ATF7IP2: variants seen among roughly 807,000 people sequenced by gnomAD.
ATF7IP2 encodes the protein activating transcription factor 7 interacting protein 2, also known as activating transcription factor 7-interacting protein 2.
In ATF7IP2, 42 loss-of-function variants were observed where a neutral mutation model predicts 64.2. The observed-to-expected ratio is 0.65, with a 90% CI of 0.51 to 0.85. The LOEUF is 0.85. Ranked by LOEUF, ATF7IP2 falls within the 40% of genes least tolerant of loss-of-function variation. The pLI, the probability that ATF7IP2 is intolerant of heterozygous loss-of-function variation, is 0.00. For missense variants in ATF7IP2, 933 were observed against 784.2 expected (o/e 1.19, Z -2.27); for synonymous variants, 308 against 272.8 (o/e 1.13, Z -1.27).
At chr16:10,456,484 A>C (rs1383455230) in intron 8 of ATF7IP2, among the ~76,000 whole-genome samples, 2 of 152,106 alleles carry the variant, frequency 1.3e-5, no homozygotes, top group Non-Finnish European at 2.9e-5. Context: ...TTTAGTGTGT[A>C]GATCCTGGCC....
chr16:10,403,734 GA>G (rs2047580627), intron 1 of ATF7IP2, among the ~76,000 whole-genome samples: 1 of 152,114 alleles, frequency 6.6e-6, no homozygotes, highest in African/African-American at 2.4e-5. Flanking sequence ...GGATATGAAT[GA>G]GAAATTTACC....
chr16:10,429,269 G>A (rs2141866587), intron 4 of ATF7IP2, among the ~76,000 whole-genome samples: 1 of 152,296 alleles, frequency 6.6e-6, no homozygotes, highest in Non-Finnish European at 1.5e-5. Flanking sequence ...AGGAAAAATA[G>A]AATTGTATAG....
chr16:10,475,703 A>C (rs2049977234), intron 12 of ATF7IP2, among the ~76,000 whole-genome samples: 1 of 145,332 alleles, frequency 6.9e-6, no homozygotes, highest in Non-Finnish European at 1.5e-5. Flanking sequence ...AAAAAAAAAA[A>C]ACCCAATCTA....
intron 1 of ATF7IP2, among the ~76,000 whole-genome samples, chr16:10,401,763 T>A (rs1017881839): frequency 1.3e-5 from 2 of 151,618 alleles, no homozygotes; most frequent in Non-Finnish European, 2.9e-5. Flanking sequence ...GAGTCTTTTT[T>A]TTTTTTTTAA....
intron 8 of ATF7IP2, among the ~76,000 whole-genome samples, chr16:10,444,797 T>G (rs2048747648): frequency 6.6e-6 from 1 of 152,226 alleles, no homozygotes; most frequent in African/African-American, 2.4e-5. Context: ...TAACAATATT[T>G]GCACTGAAAC....
At chr16:10,438,562 C>T (rs1305087377) in intron 7 of ATF7IP2, among the ~76,000 whole-genome samples, 2 of 151,746 alleles carry the variant, frequency 1.3e-5, no homozygotes, top group Non-Finnish European at 2.9e-5. Flanking sequence ...CCATGTGAGT[C>T]CTTTTAAAAA....
At chr16:10,438,257 G>C in intron 7 of ATF7IP2, 22 bp downstream of exon 7, 1 of 1,594,464 alleles carries the variant, frequency 6.3e-7, no homozygotes. Context: ...TTTCATTTGA[G>C]TCTTTTTTAG....
At chr16:10,432,731 G>C (rs2048297889) in intron 5 of ATF7IP2, among the ~76,000 whole-genome samples, 1 of 152,142 alleles carries the variant, frequency 6.6e-6, no homozygotes, top group African/African-American at 2.4e-5. Flanking sequence ...AATTAGCCAG[G>C]CGTGGTGGTG....
rs1309183224 is a variant in ATF7IP2 at position 10,483,338 on chromosome 16, A to C, written c.*1089A>C. ...TGATCATTTCCTGGCCACCATCACA[A>C]TACTAAGGGGCTCAGATGTGTCTTG... On this transcript the variant is annotated 3_prime_UTR_variant, in exon 14 of 14. Transcript: ENST00000562102. 2.6e-5 allele frequency: 4 copies of C among 152,130 alleles called. No homozygotes were observed. Among genetic ancestry groups the C allele is most frequent in the Non-Finnish European group, 4.4e-5 (3 of 68,034 alleles). The allele number at this position is 152,130 out of a possible 1,614,324, so 9.4% of individuals were successfully genotyped here. A position where few individuals can be genotyped will look rare whatever the true frequency, so the allele number is the denominator to read the frequency against.
intron 1 of ATF7IP2, among the ~76,000 whole-genome samples, chr16:10,413,486 G>T (rs1000499297): frequency 1.3e-5 from 2 of 152,098 alleles, no homozygotes; most frequent in African/African-American, 2.4e-5. Context: ...CCAATCTCAG[G>T]TATGTCTTTA....
At chr16:10,410,199 C>T (rs542139593) in intron 1 of ATF7IP2, among the ~76,000 whole-genome samples, 14 of 152,266 alleles carry the variant, frequency 9.2e-5, no homozygotes, top group South Asian at 4.1e-4. Context: ...TCTACCCATC[C>T]GTGAGCACGG....
chr16:10,390,737 T>C (rs942815830), intron 1 of ATF7IP2, among the ~76,000 whole-genome samples: 1 of 152,026 alleles, frequency 6.6e-6, no homozygotes, highest in African/African-American at 2.4e-5. Flanking sequence ...TGCAGTGAGC[T>C]GTGTTCATGC....
chr16:10,419,404 T>TG (rs1199329793), intron 2 of ATF7IP2, among the ~76,000 whole-genome samples, 177 bp from the exon 3 acceptor site: 1 of 152,090 alleles, frequency 6.6e-6, no homozygotes, highest in Non-Finnish European at 1.5e-5. Flanking sequence ...ATACCTCCAC[T>TG]GGGGGGTCCA....
rs373609538 is a variant in ATF7IP2 at position 10,472,148 on chromosome 16, C to T, written c.1391C>T (p.Pro464Leu). Residue 464 changes from proline (P) to leucine (L), a missense_variant, in exon 10 of 14, where the codon CCT (proline) becomes CTT (leucine). Transcript: ENST00000562102. ...DDVMLISVES[P>L]NLTTPITSNP... Reference sequence around the variant, plus strand: ...GTTATGTTGATTTCTGTGGAAAGTCCTAATTTGACAACTCCAATTACATCA... The same window carrying T: ...GTTATGTTGATTTCTGTGGAAAGTCTTAATTTGACAACTCCAATTACATCA... 1.9e-6 allele frequency: 3 copies of T among 1,573,230 alleles called. No individual in the cohort carries two copies. Among genetic ancestry groups the T allele is most frequent in the Admixed American group, 1.8e-5 (1 of 55,908 alleles).
At chr16:10,438,771 T>C (rs559487654) in intron 7 of ATF7IP2, among the ~76,000 whole-genome samples, 195 of 152,208 alleles carry the variant, frequency 1.3e-3, no homozygotes, top group African/African-American at 4.5e-3. Context: ...TTAGGCAGCT[T>C]CGGCCAGGCG....
intron 1 of ATF7IP2, among the ~76,000 whole-genome samples, chr16:10,388,935 C>T (rs1367626140): frequency 6.6e-6 from 1 of 151,960 alleles, no homozygotes; most frequent in Non-Finnish European, 1.5e-5. Flanking sequence ...TGGCGTGAAG[C>T]CGGGAGGCGG....
chr16:10,466,406 C>G (rs1291319755), intron 9 of ATF7IP2, among the ~76,000 whole-genome samples: 1 of 152,108 alleles, frequency 6.6e-6, no homozygotes, highest in Non-Finnish European at 1.5e-5. Context: ...AGTGGAATTG[C>G]TAGGTCATAA....
At chr16:10,474,277 G>A (rs996883620) in intron 12 of ATF7IP2, among the ~76,000 whole-genome samples, 2 of 152,168 alleles carry the variant, frequency 1.3e-5, no homozygotes, top group Non-Finnish European at 2.9e-5. Context: ...ATTTGATAAT[G>A]CAGTATGTGT....
chr16:10,461,116 G>A (rs1013035539), intron 9 of ATF7IP2, among the ~76,000 whole-genome samples: 31 of 151,996 alleles, frequency 2.0e-4, no homozygotes, highest in African/African-American at 7.5e-4. Flanking sequence ...TAGTAATCAG[G>A]GAAATGCAAA....
Sources: gnomAD v4.1 joint callset for allele counts (sites outside exome capture counted in the v4.1 genomes callset) on GRCh38, gnomAD v4.1.1 for gene constraint, MANE v1.5 for transcripts, NCBI Gene and HGNC (gene_info 2026-07-23, HGNC 2026-07-21) for gene names.